Variants in PLXNA2 observed in about 807,000 individuals in gnomAD.
PLXNA2 encodes the protein plexin-A2.
Under a neutral mutation model 193.5 loss-of-function variants are expected in PLXNA2, and 91 were observed. The observed-to-expected ratio is 0.47, with a 90% CI of 0.40 to 0.56. The LOEUF (loss-of-function observed/expected upper bound fraction) is 0.56, where lower values mean the gene tolerates loss of function less well. Ranked by LOEUF, PLXNA2 falls within the 20% of genes least tolerant of loss-of-function variation. PLXNA2 has a pLI of 0.00. For missense variants in PLXNA2, 1,995 were observed against 2,503.2 expected, an observed-to-expected ratio of 0.80 and a Z score of 4.33; for synonymous variants, 997 against 1,027.3, an observed-to-expected ratio of 0.97 and a Z score of 0.56.
Position 208,051,364 on chromosome 1 carries a change from A to T in PLXNA2, c.3053T>A (p.Val1018Asp). The T allele has an allele frequency of 3.1e-6, 5 of 1,613,418 alleles. No individual in the cohort carries two copies. Among genetic ancestry groups the T allele is most frequent in the Non-Finnish European group, 4.2e-6 (5 of 1,179,838 alleles). Residue 1018 changes from valine (V) to aspartate (D), a missense_variant, in exon 16 of 32, where the codon GTC becomes GAC. This residue lies in a region of PLXNA2 where 1,291 missense variants were observed against 1,673.6 expected (regional missense o/e 0.77). Coordinates refer to ENST00000367033, the MANE Select transcript of PLXNA2 (RefSeq NM_025179.4). ...SPPSSNGLGPVPVSVSVDRAH... is the reference protein window; with the variant it reads ...SPPSSNGLGPDPVSVSVDRAH... ...TCGGTCGACACTCACAGAAACAGGG[A>T]CCGGGCCAAGGCCATTGGATGATGG... is the stretch of plus-strand genomic sequence containing the variant.
chr1:208,064,275 G>C (rs770177983), intron 12 of PLXNA2, among the ~76,000 whole-genome samples: 6 of 152,182 alleles, frequency 3.9e-5, no homozygotes, highest in African/African-American at 9.7e-5. Context: ...CTTTCCAGTA[G>C]CTGCCAGGGT....
intron 1 of PLXNA2, among the ~76,000 whole-genome samples, chr1:208,218,871 T>C (rs550231498): frequency 3.2e-4 from 48 of 152,214 alleles, no homozygotes; most frequent in Non-Finnish European, 6.5e-4. Flanking sequence ...GCAGAGCACA[T>C]GGGAAGCCAG....
intron 8 of PLXNA2, among the ~76,000 whole-genome samples, chr1:208,093,225 G>T (rs1431268194): frequency 6.6e-5 from 10 of 152,216 alleles, no homozygotes; most frequent in African/African-American, 2.2e-4. Flanking sequence ...TTTGAAATCG[G>T]CCATGGTGGA....
rs1664517008 is a variant in PLXNA2 at position 208,031,921 on chromosome 1, T to G, written c.5056-162A>C. 5.4e-6 allele frequency: 5 copies of G among 919,984 alleles called. No individual in the cohort carries two copies. The African/African-American group carries it at 9.0e-5, about 17-fold the overall frequency. The allele number at this position is 919,984 out of a possible 1,614,324, so 57.0% of individuals were successfully genotyped here. ...GTGGGGAAGGGTACTATTGGTTAGC[T>G]GGGGAGGTGGGAGAAACTGGGTGGG... On this transcript the variant is annotated intron_variant, in intron 28 of 31. Transcript: ENST00000367033.
At chr1:208,034,638 T>C in intron 26 of PLXNA2, 46 bp from the exon 27 acceptor site, 1 of 1,242,224 alleles carries the variant, frequency 8.1e-7, no homozygotes, top group Non-Finnish European at 1.2e-6. Context: ...AATGTAGGTG[T>C]CTTGGGAAGT....
At chr1:208,091,984 T>A (rs1359164901) in intron 9 of PLXNA2, among the ~76,000 whole-genome samples, 1 of 152,236 alleles carries the variant, frequency 6.6e-6, no homozygotes, top group African/African-American at 2.4e-5. Context: ...CACGTGCATT[T>A]GGGCAACTAT....
At chr1:208,073,789 G>C (rs1327175) in intron 12 of PLXNA2, among the ~76,000 whole-genome samples, 7,768 of 151,992 alleles carry the variant, frequency 0.051, 280 homozygotes, top group East Asian at 0.1. Context: ...TAGGGAGACA[G>C]ACACACACAC....
intron 4 of PLXNA2, among the ~76,000 whole-genome samples, chr1:208,123,760 C>G (rs1667878990): frequency 6.6e-6 from 1 of 152,198 alleles, no homozygotes; most frequent in Non-Finnish European, 1.5e-5. Flanking sequence ...TGCGGGAAAG[C>G]AGAAAGCAGT....
chr1:208,041,508 G>A (rs1173454303), intron 22 of PLXNA2, among the ~76,000 whole-genome samples: 2 of 152,224 alleles, frequency 1.3e-5, no homozygotes, highest in Non-Finnish European at 2.9e-5. Context: ...CCCTAGCTCA[G>A]TGCTGCGCAA....
chr1:208,226,973 G>A (rs777374140), intron 1 of PLXNA2, among the ~76,000 whole-genome samples: 3 of 152,352 alleles, frequency 2.0e-5, no homozygotes, highest in African/African-American at 2.4e-5. Context: ...TGCAAACGGA[G>A]TCCGAGAAAG....
chr1:208,144,100 C>T (rs1344601814), intron 3 of PLXNA2, among the ~76,000 whole-genome samples: 2 of 152,168 alleles, frequency 1.3e-5, no homozygotes, highest in Non-Finnish European at 2.9e-5. Flanking sequence ...CCCTTACACC[C>T]TTTGGATTCT....
At position 208,043,103 on chromosome 1, in the gene PLXNA2, C is replaced by T. The variant is rs138624115; in HGVS notation, c.3975G>A (p.Leu1325=). 63 of 1,614,002 alleles carry T rather than the reference C, an allele frequency of 3.9e-5. No homozygotes were observed. In the African/African-American group the frequency reaches 8.1e-4, roughly 21 times the overall value. ...LDYRTYAMRV[L]FPGIEDHPVL... Reference sequence around the variant, plus strand: ...CGGGGTGGTCCTCGATGCCCGGGAACAGGACTCGCATAGCGTAGGTACGAT... The same window carrying T: ...CGGGGTGGTCCTCGATGCCCGGGAATAGGACTCGCATAGCGTAGGTACGAT... The change falls in exon 21 of 32, where the codon CTG becomes CTA. Residue 1325 remains leucine (L), a synonymous_variant. Transcript: ENST00000367033.
At chr1:208,100,173 A>T (rs568548089) in intron 5 of PLXNA2, among the ~76,000 whole-genome samples, 1 of 152,172 alleles carries the variant, frequency 6.6e-6, no homozygotes, top group East Asian at 1.9e-4. Flanking sequence ...CTATGAGTTC[A>T]AGACCAACCT....
intron 12 of PLXNA2, 53 bp from the exon 13 acceptor site, chr1:208,060,890 A>C: frequency 1.2e-5 from 19 of 1,560,052 alleles, no homozygotes; most frequent in Non-Finnish European, 1.5e-5. Flanking sequence ...GAACAGAAAC[A>C]GCAGCACCCT....
At chr1:208,110,702 A>ATG (rs1300532444) in intron 4 of PLXNA2, among the ~76,000 whole-genome samples, 4 of 152,196 alleles carry the variant, frequency 2.6e-5, no homozygotes, top group Non-Finnish European at 5.9e-5. Flanking sequence ...TTTGTAGGGT[A>ATG]ACAGAAACAA....
At chr1:208,136,868 G>T (rs1668316247) in intron 4 of PLXNA2, among the ~76,000 whole-genome samples, 1 of 152,180 alleles carries the variant, frequency 6.6e-6, no homozygotes, top group Admixed American at 6.5e-5. Context: ...ACTACTACTA[G>T]TAATAATAAT....
chr1:208,189,811 C>T (rs1670121467), intron 3 of PLXNA2, among the ~76,000 whole-genome samples: 1 of 152,200 alleles, frequency 6.6e-6, no homozygotes, highest in Admixed American at 6.5e-5. Flanking sequence ...TCCTGTCCAA[C>T]AGCCCGCCAG....
chr1:208,038,359 AC>A lies in PLXNA2; in HGVS notation c.4764+11del. 1 of 1,549,400 alleles carries A rather than the reference AC, an allele frequency of 6.5e-7. No homozygotes were observed. The highest frequency in any genetic ancestry group is 8.9e-7 in the Non-Finnish European group (1 of 1,121,152). On this transcript the variant is annotated intron_variant, in intron 26 of 31. Transcript: ENST00000367033. The surrounding 1 kb of genome is among the most constrained non-coding windows in gnomAD (Gnocchi z 4.1). ...TGGGAAGCTGAAGAGGGGAAAAGAC[AC>A]CCCCTCTCACCTGATAATGCATCAG...
chr1:208,073,745 C>A (rs1666044926), intron 12 of PLXNA2, among the ~76,000 whole-genome samples: 1 of 151,248 alleles, frequency 6.6e-6, no homozygotes, highest in Non-Finnish European at 1.5e-5. Context: ...GGCACTAATC[C>A]AATATGACAG....
Sources: gnomAD v4.1 joint callset for allele counts (sites outside exome capture counted in the v4.1 genomes callset) on GRCh38, gnomAD v4.1.1 for gene constraint, gnomAD v4.1.1 regional missense constraint, Gnocchi (gnomAD v3.1) non-coding constraint, MANE v1.5 for transcripts, NCBI Gene and HGNC (gene_info 2026-07-23, HGNC 2026-07-21) for gene names.